The following MAP2K4 variants were observed in gnomAD, a reference collection of about 807,000 sequenced individuals.
MAP2K4 encodes dual specificity mitogen-activated protein kinase kinase 4.
A neutral mutation model predicts 48.5 loss-of-function variants in MAP2K4; 4 were observed. The observed-to-expected ratio is 0.08, with a 90% confidence interval of 0.04 to 0.19. MAP2K4 has a LOEUF of 0.19. MAP2K4 is among the 10% of genes least tolerant of loss of function. MAP2K4 has a pLI of 1.00. For missense variants in MAP2K4, 258 were observed against 493.3 expected, an observed-to-expected ratio of 0.52 and a Z score of 4.52; for synonymous variants, 166 against 173.1, an observed-to-expected ratio of 0.96 and a Z score of 0.32.
Position 12,129,281 on chromosome 17 carries a change from A to G in MAP2K4, c.1034A>G (p.Asn345Ser). Residue 345 changes from asparagine to serine, a missense_variant, in exon 9 of 11, where the codon AAC becomes AGC. Asn to Ser is a conservative substitution (Grantham distance 46, BLOSUM62 1). This residue lies in a region of MAP2K4 where 57 missense variants were observed against 84.3 expected (regional missense o/e 0.68). Transcript: ENST00000353533. ...TCCCCGAGTTTCATCAACTTTGTCA[A>G]CTTGTGGTGAGTACCTGATTTATGA... ...EFSPSFINFV[N>S]LCLTKDESKR... 1.2e-6 allele frequency: 2 copies of G among 1,614,204 alleles called. No individual in the cohort carries two copies. The highest frequency in any genetic ancestry group is 1.7e-6 in the Non-Finnish European group (2 of 1,180,018).
chr17:12,068,312 A>G (rs982387568), intron 2 of MAP2K4, among the ~76,000 whole-genome samples: 10 of 152,192 alleles, frequency 6.6e-5, no homozygotes, highest in African/African-American at 1.9e-4. Context: ...GTGATTTACA[A>G]TTTAAACTGA....
intron 4 of MAP2K4, among the ~76,000 whole-genome samples, chr17:12,107,571 T>G (rs1972160657): frequency 6.6e-6 from 1 of 151,906 alleles, no homozygotes; most frequent in South Asian, 2.1e-4. Flanking sequence ...GTCCATACAA[T>G]TAAAGAGTGG....
chr17:12,124,993 T>A, intron 7 of MAP2K4: 1 of 347,326 alleles, frequency 2.9e-6, no homozygotes, highest in South Asian at 3.4e-5. Flanking sequence ...ATTCTTTATG[T>A]TTTCCAGTTT....
intron 1 of MAP2K4, among the ~76,000 whole-genome samples, chr17:12,039,759 T>A (rs1258248707): frequency 8.5e-5 from 13 of 152,226 alleles, no homozygotes. Flanking sequence ...GTGCACACAT[T>A]GTGTTTGGTT....
chr17:12,093,454 C>A (rs963531455), intron 3 of MAP2K4, among the ~76,000 whole-genome samples: 1 of 152,064 alleles, frequency 6.6e-6, no homozygotes, highest in African/African-American at 2.4e-5. Flanking sequence ...AGGCTCGCTC[C>A]CAAAAGTCAG....
chr17:12,063,932 A>G (rs973909661), intron 2 of MAP2K4, among the ~76,000 whole-genome samples: 2 of 135,020 alleles, frequency 1.5e-5, no homozygotes, highest in Non-Finnish European at 3.1e-5. Context: ...AGATCATAAC[A>G]CTGCACTCTA....
intron 6 of MAP2K4, 52 bp from the exon 7 acceptor site, chr17:12,113,181 T>C (rs1247752796): frequency 6.4e-6 from 10 of 1,570,920 alleles, no homozygotes; most frequent in South Asian, 1.1e-5. Context: ...TGAAGCCTTA[T>C]GTAACTTAGG....
At position 12,143,231 on chromosome 17, in the gene MAP2K4, C is replaced by T. The variant is rs771371631; in HGVS notation, c.*1971C>T. The T allele has an allele frequency of 4.7e-5, 11 of 232,952 alleles. No homozygotes were observed. The highest frequency in any genetic ancestry group is 5.1e-5 in the Non-Finnish European group (6 of 117,658). 14.4% of individuals were successfully genotyped at this position (232,952 alleles called of 1,614,324 possible). On this transcript the variant is annotated 3_prime_UTR_variant, in exon 11 of 11. Transcript: ENST00000353533. Reference sequence around the variant, plus strand: ...GCTGTCAACTTCCCATCTGGCTCAGCATAGGGTCACTTTGCCATTATGCAA... The same window carrying T: ...GCTGTCAACTTCCCATCTGGCTCAGTATAGGGTCACTTTGCCATTATGCAA...
At position 12,121,532 on chromosome 17, in the gene MAP2K4, G is replaced by A. The variant is rs569709894; in HGVS notation, c.814-3762G>A. Among the ~76,000 whole-genome samples, 270 of 138,226 alleles carry A rather than the reference G, an allele frequency of 2.0e-3. 2 individuals carry two copies. The highest frequency in any genetic ancestry group is 6.8e-3 in the African/African-American group (252 of 36,952). The allele number at this position is 138,226 out of a possible 152,430, so 90.7% of individuals were successfully genotyped here. On this transcript the variant is annotated intron_variant, in intron 7 of 10. Transcript: ENST00000353533. ...GGAGCTTGCAGTGAGCCGAGATCGC[G>A]CCACTGCACTCCAGCCTGGGTGACA...
At chr17:12,078,766 A>C (rs564003780) in intron 2 of MAP2K4, among the ~76,000 whole-genome samples, 2 of 152,150 alleles carry the variant, frequency 1.3e-5, no homozygotes, top group African/African-American at 4.8e-5. Flanking sequence ...TTAGGACAGA[A>C]ATTGATTGAC....
At chr17:12,034,701 GAT>G (rs1461250135) in intron 1 of MAP2K4, among the ~76,000 whole-genome samples, 4 of 152,216 alleles carry the variant, frequency 2.6e-5, no homozygotes, top group African/African-American at 9.6e-5. Context: ...TTCAACCACC[GAT>G]GTTACATACT....
intron 9 of MAP2K4, among the ~76,000 whole-genome samples, chr17:12,134,803 C>G (rs1973151261): frequency 6.6e-6 from 1 of 152,174 alleles, no homozygotes; most frequent in African/African-American, 2.4e-5. Context: ...AGAGAAACAG[C>G]TATAACAGGA....
chr17:12,067,166 G>A (rs77111018), intron 2 of MAP2K4, among the ~76,000 whole-genome samples: 2,082 of 152,276 alleles, frequency 0.014, 17 homozygotes, highest in East Asian at 0.047. Context: ...CATTGTATAG[G>A]TGTATTATAT....
In MAP2K4 at chr17:12,031,453, C is replaced by T. The variant is rs555478526; in HGVS notation, c.115+10452C>T. 9.2e-5 allele frequency among the ~76,000 whole-genome samples: 14 copies of T among 152,236 alleles called. No homozygotes were observed. The South Asian group carries it at 2.5e-3, about 27-fold the overall frequency. On this transcript the variant is annotated intron_variant, in intron 1 of 10. Transcript: ENST00000353533. ...TCCCCAAAACACAAGCGTAGATAGA[C>T]CACTAACAAAACCAGATATCCATCC... is the stretch of plus-strand genomic sequence containing the variant.
At chr17:12,085,207 G>A (rs1252865966) in intron 3 of MAP2K4, among the ~76,000 whole-genome samples, 1 of 152,178 alleles carries the variant, frequency 6.6e-6, no homozygotes, top group Non-Finnish European at 1.5e-5. Flanking sequence ...ATGAAAATGA[G>A]AGGGAGTATA....
At chr17:12,074,440 A>T (rs772288890) in intron 2 of MAP2K4, among the ~76,000 whole-genome samples, 7 of 152,132 alleles carry the variant, frequency 4.6e-5, no homozygotes, top group Non-Finnish European at 1.0e-4. Flanking sequence ...TTCGCAGATG[A>T]GACTACTCTA....
chr17:12,026,461 A>G (rs1969255738), intron 1 of MAP2K4, among the ~76,000 whole-genome samples: 1 of 152,238 alleles, frequency 6.6e-6, no homozygotes, highest in Non-Finnish European at 1.5e-5. Context: ...GGCTTAAAAA[A>G]GAAAGGGAAA....
chr17:12,051,543 T>TTGA (rs1449871169), intron 1 of MAP2K4, among the ~76,000 whole-genome samples: 1 of 152,196 alleles, frequency 6.6e-6, no homozygotes, highest in Non-Finnish European at 1.5e-5. Context: ...TGGTTAGAAA[T>TTGA]TGATGATATG....
intron 2 of MAP2K4, among the ~76,000 whole-genome samples, chr17:12,062,064 C>A (rs569345405): frequency 2.7e-5 from 4 of 147,036 alleles, no homozygotes; most frequent in South Asian, 2.4e-4. Context: ...CCCTCTCCCC[C>A]CCCTTTTTTT....
Sources: gnomAD v4.1 joint callset for allele counts (sites outside exome capture counted in the v4.1 genomes callset) on GRCh38, gnomAD v4.1.1 for gene constraint, gnomAD v4.1.1 regional missense constraint, MANE v1.5 for transcripts, NCBI Gene and HGNC (gene_info 2026-07-23, HGNC 2026-07-21) for gene names.